THAP2: variants seen among roughly 807,000 people sequenced by gnomAD.
The protein encoded by THAP2 is THAP domain containing 2.
THAP2 carries 16 observed loss-of-function variants against 18.8 expected under a neutral mutation model. The ratio of observed to expected loss-of-function variants is 0.85; its 90% CI spans 0.58 to 1.29. The LOEUF is 1.29. Among genes scored for constraint, THAP2 ranks in the 50% most tolerant of loss-of-function variants. THAP2 has a pLI of 0.00. For missense variants in THAP2, 251 were observed against 265.3 expected (o/e 0.95, Z 0.38); for synonymous variants, 80 against 89.2 (o/e 0.90, Z 0.58).
chr12:71,675,685 T>A (rs1881509105), intron 2 of THAP2, among the ~76,000 whole-genome samples: 1 of 152,108 alleles, frequency 6.6e-6, no homozygotes, highest in Non-Finnish European at 1.5e-5. Flanking sequence ...TGATATAATC[T>A]GGAAACTCCC....
chr12:71,664,426 G>C lies in THAP2; in HGVS notation c.-84G>C. ...CTCACGATTAAGGCACGCCTGCCTC[G>C]ATTGTCCAGCCTCTGCCAGAAGAAA... On this transcript the variant is annotated 5_prime_UTR_variant, in exon 1 of 3. Transcript: ENST00000308086. 2 of 1,564,160 alleles carry C rather than the reference G, an allele frequency of 1.3e-6. No individual in the cohort carries two copies. The highest frequency in any genetic ancestry group is 1.8e-6 in the Non-Finnish European group (2 of 1,136,162).
At chr12:71,664,639 T>C in intron 1 of THAP2, 59 bp downstream of exon 1, 2 of 1,584,306 alleles carry the variant, frequency 1.3e-6, no homozygotes, top group Middle Eastern at 3.3e-4. Flanking sequence ...GGCTATCGCT[T>C]GTGTGGAAGG....
intron 1 of THAP2, chr12:71,668,030 C>T (rs949749649): frequency 3.3e-5 from 5 of 152,182 alleles, no homozygotes; most frequent in African/African-American, 1.2e-4. Flanking sequence ...TAACAACTGG[C>T]TTACAGATTT....
intron 1 of THAP2, among the ~76,000 whole-genome samples, chr12:71,672,337 T>G (rs1021583863): frequency 6.6e-6 from 1 of 152,204 alleles, no homozygotes; most frequent in African/African-American, 2.4e-5. Context: ...TTTCTAAAAT[T>G]ATCAAACATC....
At chr12:71,666,804 C>T (rs975465741) in intron 1 of THAP2, among the ~76,000 whole-genome samples, 15 of 151,986 alleles carry the variant, frequency 9.9e-5, no homozygotes, top group African/African-American at 3.1e-4. Context: ...GTGTGATCTT[C>T]GCTCACTGCA....
Position 71,677,805 on chromosome 12 carries a change from T to C in THAP2, c.*697T>C, listed in dbSNP as rs1346577391. 4 of 152,174 alleles carry C rather than the reference T, an allele frequency of 2.6e-5. No homozygotes were observed. The highest frequency in any genetic ancestry group is 7.2e-5 in the African/African-American group (3 of 41,456). The allele number at this position is 152,174 out of a possible 1,614,324, so 9.4% of individuals were successfully genotyped here. ...TGATAATATTCACCTAAGTAAGTGT[T>C]GTAAAATAATTCAGAGTTCAGGACC... On this transcript the variant is annotated 3_prime_UTR_variant, in exon 3 of 3. Transcript: ENST00000308086.
intron 1 of THAP2, among the ~76,000 whole-genome samples, chr12:71,671,206 T>C (rs1375477801): frequency 6.6e-6 from 1 of 152,220 alleles, no homozygotes; most frequent in Non-Finnish European, 1.5e-5. Flanking sequence ...AATGGTTCTA[T>C]ATTGCACCAA....
chr12:71,674,197 T>TG lies in THAP2; in HGVS notation c.72-6_72-5insG, dbSNP rs1881485602. On this transcript the variant is annotated splice_region_variant and splice_polypyrimidine_tract_variant and intron_variant, in intron 1 of 2. Transcript: ENST00000308086. The stretch of plus-strand genomic sequence containing the variant: ...GGAATTTGAGTTGCATTTTTTTTTT[T>TG]TTAAGGTTTCCTTTGGATCCTAAAA... 5.8e-6 allele frequency: 9 copies of TG among 1,560,448 alleles called. No homozygotes were observed. The highest frequency in any genetic ancestry group is 6.9e-6 in the Non-Finnish European group (8 of 1,157,260).
intron 2 of THAP2, among the ~76,000 whole-genome samples, chr12:71,675,319 A>C (rs1378446655): frequency 6.6e-6 from 1 of 152,134 alleles, no homozygotes; most frequent in African/African-American, 2.4e-5. Flanking sequence ...CTCCAGGAGG[A>C]CAAGAACTTA....
At chr12:71,676,363 T>C (rs916702068) in intron 2 of THAP2, among the ~76,000 whole-genome samples, 4 of 152,060 alleles carry the variant, frequency 2.6e-5, no homozygotes, top group African/African-American at 9.7e-5. Flanking sequence ...AAATTGACCT[T>C]AGTAAATTGC....
At chr12:71,674,710 TA>T (rs1327246537) in intron 2 of THAP2, among the ~76,000 whole-genome samples, 1 of 152,120 alleles carries the variant, frequency 6.6e-6, no homozygotes, top group Non-Finnish European at 1.5e-5. Context: ...GCTCTGATTT[TA>T]AAATGACATA....
rs1218412650 is a variant in THAP2, at chr12:71,680,603, T to C, written c.*3495T>C. 1 of 152,398 alleles carries C rather than the reference T, an allele frequency of 6.6e-6. No homozygotes were observed. The highest frequency in any genetic ancestry group is 6.5e-5 in the Admixed American group (1 of 15,292). The allele number at this position is 152,398 out of a possible 1,614,324, so 9.4% of individuals were successfully genotyped here. On this transcript the variant is annotated 3_prime_UTR_variant, in exon 3 of 3. Transcript: ENST00000308086. Reference sequence around the variant, plus strand: ...AAATAATTGCATATTCAAAAAAATGTATTCTGAGTATGGTGATATTAAACA... The same window carrying C: ...AAATAATTGCATATTCAAAAAAATGCATTCTGAGTATGGTGATATTAAACA...
chr12:71,671,022 C>T (rs1465316221), intron 1 of THAP2, among the ~76,000 whole-genome samples: 1 of 151,368 alleles, frequency 6.6e-6, no homozygotes, highest in East Asian at 1.9e-4. Flanking sequence ...TCATCCTTGT[C>T]ATCTTTACAT....
rs553656320 is a variant in THAP2 at position 71,672,385 on chromosome 12, C to T, written c.72-1818C>T. Among the ~76,000 whole-genome samples, 8 of 152,098 alleles carry T rather than the reference C, an allele frequency of 5.3e-5. No homozygotes were observed. The South Asian group carries it at 1.4e-3, about 28-fold the overall frequency. On this transcript the variant is annotated intron_variant, in intron 1 of 2. Coordinates refer to ENST00000308086, the MANE Select transcript of THAP2 (RefSeq NM_031435.4). ...TAAATTTGCAGCTTCAGATCATTCACCTTCCTTTTGTTTTATCATATAACA... is the reference window on the plus strand; with the variant it reads ...TAAATTTGCAGCTTCAGATCATTCATCTTCCTTTTGTTTTATCATATAACA...
At chr12:71,676,028 G>A (rs568910750) in intron 2 of THAP2, among the ~76,000 whole-genome samples, 2 of 152,082 alleles carry the variant, frequency 1.3e-5, no homozygotes, top group South Asian at 4.1e-4. Context: ...AAAGAATGAC[G>A]GAGAGGAGAG....
chr12:71,671,262 G>C lies in THAP2; in HGVS notation c.72-2941G>C, dbSNP rs139804344. The stretch of plus-strand genomic sequence containing the variant: ...TAGTTTCAGAGACCCTATTATAGAA[G>C]GGTCCATGTCATAAAAGAAGTCAAA... On this transcript the variant is annotated intron_variant, in intron 1 of 2. Coordinates refer to ENST00000308086, the MANE Select transcript of THAP2 (RefSeq NM_031435.4). 4.5e-3 allele frequency among the ~76,000 whole-genome samples: 692 copies of C among 152,310 alleles called. 6 individuals are homozygous for C. The highest frequency in any genetic ancestry group is 0.016 in the African/African-American group (666 of 41,554).
Position 71,664,380 on chromosome 12 carries a change from C to G in THAP2, c.-130C>G, listed in dbSNP as rs970384071. The G allele has an allele frequency of 6.3e-6, 7 of 1,117,612 alleles. No individual in the cohort carries two copies. In the African/African-American group the frequency reaches 1.1e-4, roughly 17 times the overall value. The allele number at this position is 1,117,612 out of a possible 1,614,324, so 69.2% of individuals were successfully genotyped here. On this transcript the variant is annotated 5_prime_UTR_variant, in exon 1 of 3. Transcript: ENST00000308086. ...CCCACATACACACCCCTTCTTCCCACTCCGCTCTCACGACTAAGCTCTCAC... is the reference window on the plus strand; with the variant it reads ...CCCACATACACACCCCTTCTTCCCAGTCCGCTCTCACGACTAAGCTCTCAC...
intron 2 of THAP2, among the ~76,000 whole-genome samples, chr12:71,674,869 G>A (rs531550993): frequency 1.6e-3 from 244 of 152,064 alleles, no homozygotes; most frequent in Non-Finnish European, 2.6e-3. Context: ...TTAAAATAGA[G>A]GAAAGGGAAC....
At position 71,664,534 on chromosome 12, in the gene THAP2, G is replaced by A; in HGVS notation, c.25G>A (p.Gly9Ser). 1 of 1,614,160 alleles carries A rather than the reference G, an allele frequency of 6.2e-7. No individual in the cohort carries two copies. The highest frequency in any genetic ancestry group is 8.5e-7 in the Non-Finnish European group (1 of 1,180,038). MPTNCAAA[G>S]CATTYNKHIN... is the part of the protein sequence containing the mutation. ...AATGCCGACCAATTGCGCTGCGGCG[G>A]GCTGTGCCACTACCTACAACAAGCA... is the stretch of plus-strand genomic sequence containing the variant. The change falls in exon 1 of 3, where the codon GGC (glycine) becomes AGC (serine). Residue 9 changes from glycine (G) to serine (S), a missense_variant. By Grantham distance (56) the Gly-to-Ser change is moderately conservative. Transcript: ENST00000308086.
Sources: allele counts gnomAD v4.1 joint callset (sites outside exome capture counted in the v4.1 genomes callset), GRCh38; gene constraint gnomAD v4.1.1; transcripts MANE v1.5; gene names NCBI Gene and HGNC (gene_info 2026-07-23, HGNC 2026-07-21).